FBLN5: variants seen among roughly 807,000 people sequenced by gnomAD.
The protein encoded by FBLN5 is fibulin-5.
A neutral mutation model predicts 61.6 loss-of-function variants in FBLN5; 24 were observed. The observed-to-expected ratio is 0.39, with a 90% CI of 0.28 to 0.55. The LOEUF (loss-of-function observed/expected upper bound fraction) is 0.55. Ranked by LOEUF, FBLN5 falls within the 20% of genes least tolerant of loss-of-function variation. The pLI, the probability that FBLN5 is intolerant of heterozygous loss-of-function variation, is 0.65. For synonymous variants in FBLN5, 213 were observed against 219.8 expected, an observed-to-expected ratio of 0.97 and a Z score of 0.27; for missense variants, 470 against 594.1, an observed-to-expected ratio of 0.79 and a Z score of 2.17.
chr14:91,927,115 G>A (rs2055842716), intron 4 of FBLN5, among the ~76,000 whole-genome samples: 1 of 152,020 alleles, frequency 6.6e-6, no homozygotes, highest in Non-Finnish European at 1.5e-5. Flanking sequence ...AAATAGCTTG[G>A]GCCTATGGGA....
intron 4 of FBLN5, among the ~76,000 whole-genome samples, chr14:91,909,957 C>A (rs567913663): frequency 5.7e-4 from 87 of 152,220 alleles, no homozygotes; most frequent in Non-Finnish European, 1.1e-3. Flanking sequence ...CTATGGAAAA[C>A]TGTATGGTGG....
At chr14:91,920,272 C>A (rs763918220) in intron 4 of FBLN5, among the ~76,000 whole-genome samples, 8 of 152,170 alleles carry the variant, frequency 5.3e-5, no homozygotes, top group Non-Finnish European at 7.4e-5. Flanking sequence ...AGAGATGATG[C>A]TAGCAGTCAA....
chr14:91,892,283 C>T (rs1890028686), intron 5 of FBLN5, among the ~76,000 whole-genome samples: 1 of 152,222 alleles, frequency 6.6e-6, no homozygotes, highest in South Asian at 2.1e-4. Context: ...CAGGCTCCTG[C>T]TGTGACCAGT....
At chr14:91,946,862 G>C in intron 1 of FBLN5, 1 of 1,492,702 alleles carries the variant, frequency 6.7e-7, no homozygotes, top group South Asian at 1.3e-5. Flanking sequence ...TAGTGAACTA[G>C]TAATTGGCCT....
chr14:91,915,686 C>CAAAAAAAAAAAAAAA (rs34675184), intron 4 of FBLN5, among the ~76,000 whole-genome samples: 1 of 43,742 alleles, frequency 2.3e-5, no homozygotes, highest in Non-Finnish European at 4.0e-5. Context: ...GACTCCATCT[C>CAAAAAAAAAAAAAAA]AAAAAAAAAA....
In FBLN5 at chr14:91,887,297, G is replaced by A. The variant is rs755405151; in HGVS notation, c.635C>T (p.Ala212Val). 3 of 1,612,590 alleles carry A rather than the reference G, an allele frequency of 1.9e-6. No individual in the cohort carries two copies. The highest frequency in any genetic ancestry group is 2.5e-6 in the Non-Finnish European group (3 of 1,179,580). Residue 212 changes from alanine (A) to valine (V), a missense_variant, in exon 7 of 11, where the codon GCC becomes GTC. Physicochemically the swap from Ala to Val is moderately conservative, Grantham distance 64. Coordinates refer to ENST00000342058, the MANE Select transcript of FBLN5 (RefSeq NM_006329.4). ...GGTTTGCACGCAGGGGTTCTCGGTG[G>A]CACACTCGTTCACATCTGTGGAAAG... is the stretch of plus-strand genomic sequence containing the variant. ...GRSCQDVNEC[A>V]TENPCVQTCV...
At chr14:91,887,856 G>C (rs1409685851) in intron 6 of FBLN5, among the ~76,000 whole-genome samples, 1 of 152,246 alleles carries the variant, frequency 6.6e-6, no homozygotes, top group Non-Finnish European at 1.5e-5. Flanking sequence ...AGGTTAAGGA[G>C]AAGACCACCA....
chr14:91,921,675 C>T (rs2055736806), intron 4 of FBLN5, among the ~76,000 whole-genome samples: 1 of 152,128 alleles, frequency 6.6e-6, no homozygotes, highest in Non-Finnish European at 1.5e-5. Context: ...GGAGTAACTG[C>T]GGTGTAATTT....
At position 91,882,346 on chromosome 14, in the gene FBLN5, G is replaced by C. The variant is rs1223942099; in HGVS notation, c.862+608C>G. On this transcript the variant is annotated intron_variant, in intron 8 of 10. Coordinates refer to ENST00000342058, the MANE Select transcript of FBLN5 (RefSeq NM_006329.4). This position sits in a 1 kb window ranked among gnomAD's most constrained non-coding sequence, Gnocchi z 4.9. ...TCTTGCTTGGCAATGGGATAAGGCA[G>C]GTTCAAGGAGGCTGAGAATGGGTCA... Among the ~76,000 whole-genome samples the C allele has an allele frequency of 6.6e-6, 1 of 152,206 alleles. No homozygotes were observed. Among genetic ancestry groups the C allele is most frequent in the Non-Finnish European group, 1.5e-5 (1 of 68,044 alleles).
intron 10 of FBLN5, among the ~76,000 whole-genome samples, chr14:91,876,240 C>T (rs943446976): frequency 3.9e-5 from 6 of 152,214 alleles, no homozygotes; most frequent in South Asian, 2.1e-4. Context: ...CCAGCCTTAT[C>T]GGGAAGATTT....
intron 6 of FBLN5, among the ~76,000 whole-genome samples, chr14:91,888,514 CA>C (rs1202781391): frequency 6.7e-6 from 1 of 148,452 alleles, no homozygotes; most frequent in African/African-American, 2.5e-5. Flanking sequence ...GAGGCTGAGA[CA>C]AGGGAATCGC....
chr14:91,916,271 C>T (rs1005419043), intron 4 of FBLN5, among the ~76,000 whole-genome samples: 4 of 152,086 alleles, frequency 2.6e-5, no homozygotes, highest in Admixed American at 6.6e-5. Flanking sequence ...CATGGTGAAA[C>T]CCCATCTCTA....
rs2498844 is a variant in FBLN5, at chr14:91,881,001, C to A, written c.989+291G>T. ...ACAGTAACACACTTTGCACTGCAAA[C>A]CAGTAGCACACAAAACTAAAAGATA... On this transcript the variant is annotated intron_variant, in intron 9 of 10. Coordinates refer to ENST00000342058, the MANE Select transcript of FBLN5 (RefSeq NM_006329.4). Among the ~76,000 whole-genome samples, 109,870 of 152,064 alleles carry A rather than the reference C, an allele frequency of 0.72. 39,998 individuals are homozygous for A. Among genetic ancestry groups the A allele is most frequent in the East Asian group, 0.84 (4,341 of 5,180 alleles).
At position 91,944,286 on chromosome 14, in the gene FBLN5, G is replaced by T. The variant is rs1176851307; in HGVS notation, c.18-1325C>A. Reference sequence around the variant, plus strand: ...AATCTCTACTACTTCACACTCATGAGGCTATTAAAAAATGGAAAAGAGCAA... The same window carrying T: ...AATCTCTACTACTTCACACTCATGATGCTATTAAAAAATGGAAAAGAGCAA... On this transcript the variant is annotated intron_variant, in intron 1 of 10. Transcript: ENST00000342058. Among the ~76,000 whole-genome samples, 4 of 152,174 alleles carry T rather than the reference G, an allele frequency of 2.6e-5. No homozygotes were observed. The East Asian group carries it at 7.7e-4, about 29-fold the overall frequency.
chr14:91,885,304 G>A (rs1226930953), intron 7 of FBLN5, among the ~76,000 whole-genome samples: 1 of 152,246 alleles, frequency 6.6e-6, no homozygotes. Context: ...TGGCCAAATC[G>A]GCATGGATGT....
chr14:91,871,133 TGC>T (rs1888905093), intron 10 of FBLN5, among the ~76,000 whole-genome samples: 1 of 149,252 alleles, frequency 6.7e-6, no homozygotes, highest in Admixed American at 6.8e-5. Flanking sequence ...ACAACCAACA[TGC>T]ACATGTACTC....
At chr14:91,872,284 A>C (rs935013519) in intron 10 of FBLN5, among the ~76,000 whole-genome samples, 75 of 152,266 alleles carry the variant, frequency 4.9e-4, no homozygotes, top group Non-Finnish European at 5.9e-5. Context: ...GTATCAGAAG[A>C]GGCTGATGTG....
intron 4 of FBLN5, among the ~76,000 whole-genome samples, chr14:91,926,384 C>T (rs575089915): frequency 1.4e-3 from 207 of 152,300 alleles, no homozygotes; most frequent in Non-Finnish European, 9.0e-4. Context: ...CCCAGCCTGC[C>T]AGGCCTGGGC....
intron 4 of FBLN5, among the ~76,000 whole-genome samples, chr14:91,921,525 C>G (rs2055733828): frequency 6.6e-6 from 1 of 152,198 alleles, no homozygotes; most frequent in Non-Finnish European, 1.5e-5. Flanking sequence ...CCCGGGCCAG[C>G]AGCGTCAGCA....
Sources: gnomAD v4.1 joint callset for allele counts (sites outside exome capture counted in the v4.1 genomes callset) on GRCh38, gnomAD v4.1.1 for gene constraint, Gnocchi (gnomAD v3.1) non-coding constraint, MANE v1.5 for transcripts, NCBI Gene and HGNC (gene_info 2026-07-23, HGNC 2026-07-21) for gene names.